The following CMTM4 variants were observed in gnomAD, a reference collection of about 807,000 sequenced individuals.
The protein encoded by CMTM4 is CKLF-like MARVEL transmembrane domain-containing protein 4.
A neutral mutation model predicts 19.0 loss-of-function variants in CMTM4; 8 were observed. That is an observed-to-expected ratio of 0.42 (90% CI 0.25 to 0.76). The LOEUF (loss-of-function observed/expected upper bound fraction) is 0.76, where lower values mean the gene tolerates loss of function less well. Among genes scored for constraint, CMTM4 ranks in the 30% least tolerant of loss-of-function variants. CMTM4 has a pLI of 0.27. For synonymous variants in CMTM4, 106 were observed against 121.1 expected (o/e 0.88, Z 0.82); for missense variants, 228 against 290.2 (o/e 0.79, Z 1.56).
At chr16:66,602,530 T>G in the CMTM4 span, among the ~76,000 whole-genome samples, 12 of 151,578 alleles carry the variant, frequency 7.9e-5, no homozygotes, top group African/African-American at 2.9e-4. Context: ...ATTTGCTTCT[T>G]CTTCTTCTTC....
downstream of CMTM4, chr16:66,612,481 G>A: frequency 3.3e-6 from 3 of 910,242 alleles, no homozygotes; most frequent in South Asian, 3.1e-5. The surrounding 1 kb of genome is among the most constrained non-coding windows in gnomAD (Gnocchi z 6.0). Flanking sequence ...ACTGGGAACG[G>A]TAGAGTCAGC....
intron 1 of CMTM4, among the ~76,000 whole-genome samples, chr16:66,683,129 G>GTATATATATATATATATATGTA (rs751833787): frequency 8.6e-6 from 1 of 115,954 alleles, no homozygotes; most frequent in Non-Finnish European, 1.7e-5. Flanking sequence ...GTGTGTGTGT[G>GTATATATATATATATATATGTA]TATATATATA....
At position 66,618,354 on chromosome 16, in the gene CMTM4, G is replaced by A; in HGVS notation, c.*3704C>T. The A allele has an allele frequency of 1.0e-6, 1 of 985,424 alleles. No homozygotes were observed. Among genetic ancestry groups the A allele is most frequent in the South Asian group, 4.7e-5 (1 of 21,288 alleles). 61.0% of individuals were successfully genotyped at this position (985,424 alleles called of 1,614,324 possible). A position where few individuals can be genotyped will look rare whatever the true frequency, so the allele number is the denominator to read the frequency against. Reference sequence around the variant, plus strand: ...AAAGACTTCATGACTGTTTTGTTTTGAACACAGATGAGACAATAGGAACCC... The same window carrying A: ...AAAGACTTCATGACTGTTTTGTTTTAAACACAGATGAGACAATAGGAACCC... On this transcript the variant is annotated 3_prime_UTR_variant, in exon 4 of 4. Coordinates refer to ENST00000394106, the MANE Select transcript of CMTM4 (RefSeq NM_181521.3).
intron 2 of CMTM4, among the ~76,000 whole-genome samples, chr16:66,623,848 A>G (rs964444020): frequency 5.3e-5 from 8 of 152,248 alleles, no homozygotes; most frequent in African/African-American, 1.9e-4. Flanking sequence ...AAGCTCCCCA[A>G]GGATCCAAAT....
At chr16:66,611,678 T>G (rs355940), downstream of CMTM4, among the ~76,000 whole-genome samples, 7,715 of 151,768 alleles carry the variant, frequency 0.051, 303 homozygotes, top group Admixed American at 0.11. Context: ...GGGGTGGGGT[T>G]GGGGGTTAGT....
At chr16:66,676,603 T>A (rs779321531) in intron 1 of CMTM4, among the ~76,000 whole-genome samples, 29 of 152,198 alleles carry the variant, frequency 1.9e-4, no homozygotes, top group Non-Finnish European at 3.7e-4. Flanking sequence ...CTAAAACTCT[T>A]GAGTTTCTGA....
chr16:66,689,269 G>T (rs1052204524), intron 1 of CMTM4, among the ~76,000 whole-genome samples: 4 of 152,156 alleles, frequency 2.6e-5, no homozygotes, highest in Non-Finnish European at 5.9e-5. Context: ...AATGTTAGCT[G>T]TAGATTTTTT....
At chr16:66,690,810 A>G (rs2017120672) in intron 1 of CMTM4, among the ~76,000 whole-genome samples, 1 of 152,200 alleles carries the variant, frequency 6.6e-6, no homozygotes, top group African/African-American at 2.4e-5. Context: ...TAAAATTTGC[A>G]TTTAAACATT....
chr16:66,620,383 C>T lies in CMTM4; in HGVS notation c.*1675G>A, dbSNP rs929443133. ...TAGCAGGGTCAGCCCCTGAGGCAGA[C>T]GTGGTGCTCAGCCACATAGCCTGGG... is the stretch of plus-strand genomic sequence containing the variant. On this transcript the variant is annotated 3_prime_UTR_variant, in exon 4 of 4. Transcript: ENST00000394106. 7 of 985,488 alleles carry T rather than the reference C, an allele frequency of 7.1e-6. No homozygotes were observed. The highest frequency in any genetic ancestry group is 5.2e-4 in the Middle Eastern group (1 of 1,914). 61.0% of individuals were successfully genotyped at this position (985,488 alleles called of 1,614,324 possible).
intron 1 of CMTM4, among the ~76,000 whole-genome samples, chr16:66,683,843 C>T (rs765297644): frequency 6.6e-6 from 1 of 151,986 alleles, no homozygotes; most frequent in South Asian, 2.1e-4. Context: ...TGAGCGGGAA[C>T]CAGAAGAACA....
At chr16:66,647,617 A>C (rs983897820) in intron 1 of CMTM4, among the ~76,000 whole-genome samples, 5 of 152,110 alleles carry the variant, frequency 3.3e-5, no homozygotes, top group African/African-American at 1.2e-4. Flanking sequence ...GTGAACATCT[A>C]TCTCTCTGAG....
At chr16:66,609,485 C>G in the CMTM4 span, 1 of 1,611,892 alleles carries the variant, frequency 6.2e-7, no homozygotes, top group Middle Eastern at 1.7e-4. The surrounding 1 kb of genome is among the most constrained non-coding windows in gnomAD (Gnocchi z 4.4). Context: ...CTATCTCCAT[C>G]ACGGCCATCG....
chr16:66,678,961 T>C (rs1462788470), intron 1 of CMTM4, among the ~76,000 whole-genome samples: 1 of 151,822 alleles, frequency 6.6e-6, no homozygotes, highest in Non-Finnish European at 1.5e-5. Flanking sequence ...AAATTAGGCA[T>C]GGTGGTGCAC....
At chr16:66,677,067 C>T (rs887704371) in intron 1 of CMTM4, among the ~76,000 whole-genome samples, 3 of 152,020 alleles carry the variant, frequency 2.0e-5, no homozygotes, top group African/African-American at 7.2e-5. Flanking sequence ...ATGTTAAGAC[C>T]CTGTCTCTAC....
rs1567403134 is a variant in CMTM4, at chr16:66,622,213, A to G, written c.472T>C (p.Phe158Leu). The G allele has an allele frequency of 6.2e-7, 1 of 1,613,806 alleles. No homozygotes were observed. The highest frequency in any genetic ancestry group is 8.5e-7 in the Non-Finnish European group (1 of 1,179,958). ...GAEIAAVIFG[F>L]LATAAYAVNT... is the part of the protein sequence containing the mutation. ...ACTGCATATGCCGCAGTCGCCAAGA[A>G]GCCAAATATCTAAAAACACACCAGC... Residue 158 changes from phenylalanine (F) to leucine (L), a missense_variant, in exon 4 of 4, where the codon TTC (phenylalanine) becomes CTC (leucine). Around this residue, in one of 3 missense-constraint regions of CMTM4, gnomAD observed 200 missense variants for 226.6 expected, o/e 0.88. Coordinates refer to ENST00000394106, the MANE Select transcript of CMTM4 (RefSeq NM_181521.3). The surrounding 1 kb of genome is among the most constrained non-coding windows in gnomAD (Gnocchi z 4.0).
chr16:66,671,952 C>T (rs1301633100), intron 1 of CMTM4, among the ~76,000 whole-genome samples: 1 of 151,776 alleles, frequency 6.6e-6, no homozygotes. Context: ...CACTTGGACC[C>T]GGCAGGTCGA....
At chr16:66,646,710 T>C (rs1430745479) in intron 1 of CMTM4, among the ~76,000 whole-genome samples, 1 of 150,994 alleles carries the variant, frequency 6.6e-6, no homozygotes, top group Non-Finnish European at 1.5e-5. Context: ...TTCATGAATT[T>C]TTTTTTTTTT....
intron 1 of CMTM4, among the ~76,000 whole-genome samples, chr16:66,660,068 A>G (rs1353252850): frequency 1.3e-5 from 2 of 152,204 alleles, no homozygotes; most frequent in Admixed American, 6.5e-5. Flanking sequence ...GATCCTTAAC[A>G]TCACTAGCTA....
chr16:66,648,972 AAAAAG>A (rs1425091272), intron 1 of CMTM4, among the ~76,000 whole-genome samples: 1 of 152,306 alleles, frequency 6.6e-6, no homozygotes, highest in African/African-American at 2.4e-5. Context: ...ACTCTGTCAA[AAAAAG>A]AAAAGAAAAG....
Sources: gnomAD v4.1 joint callset for allele counts (sites outside exome capture counted in the v4.1 genomes callset) on GRCh38, gnomAD v4.1.1 for gene constraint, gnomAD v4.1.1 regional missense constraint, Gnocchi (gnomAD v3.1) non-coding constraint, MANE v1.5 for transcripts, NCBI Gene and HGNC (gene_info 2026-07-23, HGNC 2026-07-21) for gene names.